The following ADGRB3 variants were observed in gnomAD, a reference collection of about 807,000 sequenced individuals.
The protein encoded by ADGRB3 is brain-specific angiogenesis inhibitor 3.
ADGRB3 carries 37 observed loss-of-function variants against 193.4 expected under a neutral mutation model. That is an observed-to-expected ratio of 0.19 (90% CI 0.15 to 0.25). The LOEUF (loss-of-function observed/expected upper bound fraction) is 0.25. Among genes scored for constraint, ADGRB3 ranks in the 10% least tolerant of loss-of-function variants. The pLI, the probability that ADGRB3 is intolerant of heterozygous loss-of-function variation, is 1.00. For synonymous variants in ADGRB3, 690 were observed against 644.2 expected (o/e 1.07, Z -1.08); for missense variants, 1,637 against 1,852.9 (o/e 0.88, Z 2.14).
At chr6:69,229,726 T>C (rs1766093175) in intron 17 of ADGRB3, among the ~76,000 whole-genome samples, 1 of 152,164 alleles carries the variant, frequency 6.6e-6, no homozygotes, top group African/African-American at 2.4e-5. Context: ...TTCATTGGAG[T>C]AAGCTGATAA....
intron 26 of ADGRB3, among the ~76,000 whole-genome samples, chr6:69,347,420 C>G (rs950914237): frequency 1.3e-5 from 2 of 151,968 alleles, no homozygotes; most frequent in African/African-American, 4.8e-5. Context: ...CCTTGTCAGC[C>G]TGATTGAAAG....
intron 3 of ADGRB3, among the ~76,000 whole-genome samples, chr6:68,736,538 G>A (rs1765877034): frequency 6.6e-6 from 1 of 152,052 alleles, no homozygotes. Context: ...TGAGGACTTT[G>A]AGAAAAAGAT....
chr6:69,287,483 G>GA (rs550008161), intron 20 of ADGRB3, among the ~76,000 whole-genome samples: 20 of 151,514 alleles, frequency 1.3e-4, no homozygotes, highest in Admixed American at 2.6e-4. Context: ...TAACAGAAAG[G>GA]AAAAAAAACA....
At chr6:69,220,084 GAT>G (rs1308053636) in intron 17 of ADGRB3, among the ~76,000 whole-genome samples, 1 of 151,850 alleles carries the variant, frequency 6.6e-6, no homozygotes, top group Admixed American at 6.6e-5. Flanking sequence ...TGAAAATAAG[GAT>G]ATTGGTTTTT....
chr6:69,330,399 G>T, intron 22 of ADGRB3, 107 bp from the exon 23 acceptor site: 1 of 693,816 alleles, frequency 1.4e-6, no homozygotes, highest in Non-Finnish European at 2.2e-6. Context: ...TTTAACATGT[G>T]CCAAAATTCC....
chr6:68,693,430 C>T (rs1331245811), intron 3 of ADGRB3, among the ~76,000 whole-genome samples: 7 of 151,898 alleles, frequency 4.6e-5, no homozygotes, highest in Admixed American at 4.6e-4. Context: ...AAAACATATA[C>T]TAAAAAAGAA....
intron 8 of ADGRB3, among the ~76,000 whole-genome samples, chr6:68,961,412 C>T (rs1006943662): frequency 1.3e-5 from 2 of 152,122 alleles, no homozygotes; most frequent in East Asian, 3.9e-4. Context: ...TCTTATCCCC[C>T]ACAGGTATTA....
chr6:68,708,675 A>T (rs1765363863), intron 3 of ADGRB3, among the ~76,000 whole-genome samples: 1 of 152,228 alleles, frequency 6.6e-6, no homozygotes, highest in Non-Finnish European at 1.5e-5. Context: ...AATATTGTTT[A>T]AAAATGTTTT....
chr6:69,072,057 G>A (rs1009091492), intron 16 of ADGRB3, among the ~76,000 whole-genome samples: 4 of 151,974 alleles, frequency 2.6e-5, no homozygotes, highest in Non-Finnish European at 4.4e-5. Context: ...ATCATTGGTT[G>A]CTTTGTTTTC....
intron 3 of ADGRB3, among the ~76,000 whole-genome samples, chr6:68,707,406 A>AT (rs1765343538): frequency 6.6e-6 from 1 of 152,104 alleles, no homozygotes; most frequent in African/African-American, 2.4e-5. Flanking sequence ...AGGTAAAACC[A>AT]TTTGTGTCTA....
chr6:68,684,833 A>G (rs1016010009), intron 3 of ADGRB3, among the ~76,000 whole-genome samples: 2 of 152,166 alleles, frequency 1.3e-5, no homozygotes, highest in Non-Finnish European at 2.9e-5. Context: ...ATCACCATAT[A>G]TTCCTGAAAT....
intron 3 of ADGRB3, among the ~76,000 whole-genome samples, chr6:68,775,351 A>G (rs1002786701): frequency 3.3e-5 from 5 of 152,036 alleles, no homozygotes; most frequent in African/African-American, 1.2e-4. Context: ...ACCAAGGGCC[A>G]TGTGTGATCC....
chr6:68,952,136 C>A (rs186867067), intron 6 of ADGRB3, among the ~76,000 whole-genome samples: 4 of 152,226 alleles, frequency 2.6e-5, no homozygotes, highest in South Asian at 4.2e-4. Context: ...TTCTACCCCC[C>A]CAAAGCCTCC....
At chr6:69,072,548 G>A (rs75550342) in intron 16 of ADGRB3, among the ~76,000 whole-genome samples, 1 of 151,464 alleles carries the variant, frequency 6.6e-6, no homozygotes, top group African/African-American at 2.4e-5. Context: ...TTTTTGTTGT[G>A]GCTTACTGTG....
chr6:68,968,225 A>G (rs3798977), intron 8 of ADGRB3, among the ~76,000 whole-genome samples: 49,266 of 151,716 alleles, frequency 0.32, 8,411 homozygotes, highest in Middle Eastern at 0.41. Context: ...TAAACATTTC[A>G]CCCTACTGGC....
intron 3 of ADGRB3, among the ~76,000 whole-genome samples, chr6:68,881,858 A>G (rs1326018416): frequency 1.3e-5 from 2 of 152,234 alleles, no homozygotes; most frequent in Admixed American, 6.5e-5. Context: ...GTTCCATACA[A>G]GAGTCGACAA....
At chr6:69,141,332 C>A (rs984473332) in intron 17 of ADGRB3, among the ~76,000 whole-genome samples, 3 of 152,046 alleles carry the variant, frequency 2.0e-5, no homozygotes, top group Non-Finnish European at 4.4e-5. Context: ...ACCGTGTTAG[C>A]CAGGATTGTC....
At position 69,259,841 on chromosome 6, in the gene ADGRB3, A is replaced by G. The variant is rs189229915; in HGVS notation, c.2814+20615A>G. On this transcript the variant is annotated intron_variant, in intron 20 of 31. Transcript: ENST00000370598. ...CAGATATAAAGACATTGGATATATC[A>G]GAGAATAATAAAATAATAATAATTG... 7.6e-4 allele frequency among the ~76,000 whole-genome samples: 115 copies of G among 152,288 alleles called. 1 individual carries two copies. The highest frequency in any genetic ancestry group is 2.7e-3 in the African/African-American group (114 of 41,572).
intron 17 of ADGRB3, among the ~76,000 whole-genome samples, chr6:69,138,916 G>A (rs778886217): frequency 3.9e-5 from 6 of 152,184 alleles, no homozygotes; most frequent in Non-Finnish European, 8.8e-5. Context: ...GATATTATTT[G>A]ACTTTTAAAG....
Sources: allele counts gnomAD v4.1 joint callset (sites outside exome capture counted in the v4.1 genomes callset), GRCh38; gene constraint gnomAD v4.1.1; transcripts MANE v1.5; gene names NCBI Gene and HGNC (gene_info 2026-07-23, HGNC 2026-07-21).